FNDC3A: variants seen among roughly 807,000 people sequenced by gnomAD.
FNDC3A encodes fibronectin type III domain containing 3A.
In FNDC3A, 32 loss-of-function variants were observed where a neutral mutation model predicts 148.9. The ratio of observed to expected loss-of-function variants is 0.21; its 90% CI spans 0.16 to 0.29. The LOEUF is 0.29. Among genes scored for constraint, FNDC3A ranks in the 10% least tolerant of loss-of-function variants. The pLI is 1.00. For missense variants in FNDC3A, 1,191 were observed against 1,452.8 expected, an observed-to-expected ratio of 0.82 and a Z score of 2.93; for synonymous variants, 472 against 473.6, an observed-to-expected ratio of 1.00 and a Z score of 0.04.
intron 1 of FNDC3A, among the ~76,000 whole-genome samples, chr13:49,000,151 A>G (rs1244110058): frequency 6.6e-6 from 1 of 152,178 alleles, no homozygotes; most frequent in African/African-American, 2.4e-5. Context: ...TCCAAGAAAT[A>G]ATTGCCAAAT....
At chr13:49,059,986 G>C (rs900021870) in intron 2 of FNDC3A, among the ~76,000 whole-genome samples, 2 of 152,158 alleles carry the variant, frequency 1.3e-5, no homozygotes, top group Non-Finnish European at 2.9e-5. Flanking sequence ...CACTAGGATA[G>C]ATATAATTAA....
rs572625526 is a variant in FNDC3A at position 49,209,129 on chromosome 13, G to A, written c.*1734G>A. On this transcript the variant is annotated 3_prime_UTR_variant, in exon 26 of 26. Coordinates refer to ENST00000492622, the MANE Select transcript of FNDC3A (RefSeq NM_001079673.2). ...CTTCCCCAGAAACAACAGTGATTGC[G>A]ATTGTTTTCTAGAAACTTCTTTAAA... 2.0e-5 allele frequency: 3 copies of A among 152,632 alleles called. No homozygotes were observed. The highest frequency in any genetic ancestry group is 2.1e-4 in the South Asian group (1 of 4,826). The allele number at this position is 152,632 out of a possible 1,614,324, so 9.5% of individuals were successfully genotyped here.
intron 17 of FNDC3A, among the ~76,000 whole-genome samples, chr13:49,189,464 A>G (rs972106412): frequency 2.0e-5 from 3 of 151,880 alleles, no homozygotes; most frequent in African/African-American, 7.3e-5. Flanking sequence ...TACAGGCATG[A>G]GCCACCGCAC....
chr13:49,163,753 C>T (rs933131082), intron 8 of FNDC3A, among the ~76,000 whole-genome samples: 2 of 152,154 alleles, frequency 1.3e-5, no homozygotes, highest in Non-Finnish European at 2.9e-5. Context: ...TGTTCCTATT[C>T]GGCCATCTTG....
At chr13:49,012,955 A>G (rs1952387041) in intron 2 of FNDC3A, among the ~76,000 whole-genome samples, 1 of 152,074 alleles carries the variant, frequency 6.6e-6, no homozygotes, top group Non-Finnish European at 1.5e-5. Context: ...AGTCTCAAAG[A>G]GAGTATTTTC....
intron 4 of FNDC3A, among the ~76,000 whole-genome samples, chr13:49,121,083 A>G (rs112621112): frequency 0.011 from 1,659 of 152,314 alleles, 35 homozygotes; most frequent in African/African-American, 0.037. Flanking sequence ...AAAACTCACC[A>G]CATAATTGGA....
intron 2 of FNDC3A, among the ~76,000 whole-genome samples, chr13:49,057,682 C>T (rs1876352675): frequency 6.6e-6 from 1 of 152,046 alleles, no homozygotes; most frequent in Non-Finnish European, 1.5e-5. Context: ...ATTTAATATA[C>T]TAATAATGAA....
chr13:49,099,846 T>C (rs1879756069), intron 3 of FNDC3A, among the ~76,000 whole-genome samples: 1 of 152,174 alleles, frequency 6.6e-6, no homozygotes, highest in Non-Finnish European at 1.5e-5. Flanking sequence ...GCAGATATGC[T>C]CCCAGCTTAC....
intron 13 of FNDC3A, among the ~76,000 whole-genome samples, chr13:49,178,122 C>T (rs899922263): frequency 2.0e-5 from 3 of 152,164 alleles, no homozygotes; most frequent in African/African-American, 7.2e-5. Context: ...ACATCCTCAC[C>T]TGCCAGCACA....
intron 5 of FNDC3A, among the ~76,000 whole-genome samples, chr13:49,134,237 A>C (rs1271640634): frequency 6.6e-6 from 1 of 152,222 alleles, no homozygotes; most frequent in Non-Finnish European, 1.5e-5. Flanking sequence ...TGCCTATTCT[A>C]GACTTCATAT....
intron 2 of FNDC3A, among the ~76,000 whole-genome samples, chr13:49,007,330 A>G (rs1201761937): frequency 6.6e-6 from 1 of 152,024 alleles, no homozygotes; most frequent in Non-Finnish European, 1.5e-5. Flanking sequence ...TCCTGGTTTT[A>G]ATTTTTTACG....
intron 4 of FNDC3A, among the ~76,000 whole-genome samples, chr13:49,130,753 T>A (rs1260606616): frequency 6.6e-6 from 1 of 151,990 alleles, no homozygotes. Flanking sequence ...GTGTAAAAAT[T>A]CTTACTCTTA....
chr13:49,001,761 A>G (rs1952129380), intron 1 of FNDC3A, among the ~76,000 whole-genome samples: 1 of 152,110 alleles, frequency 6.6e-6, no homozygotes, highest in South Asian at 2.1e-4. Context: ...GTCTGCTTCA[A>G]ACCCTGTCTC....
chr13:49,024,703 C>T (rs1175057503), intron 2 of FNDC3A, among the ~76,000 whole-genome samples: 1 of 151,606 alleles, frequency 6.6e-6, no homozygotes, highest in African/African-American at 2.4e-5. Flanking sequence ...AAAAAAAACC[C>T]TCAATAAATT....
intron 16 of FNDC3A, among the ~76,000 whole-genome samples, chr13:49,188,096 A>G (rs567217576): frequency 1.3e-5 from 2 of 152,350 alleles, no homozygotes; most frequent in East Asian, 1.9e-4. Context: ...TCACACATTT[A>G]GCAGTGTTTA....
intron 2 of FNDC3A, among the ~76,000 whole-genome samples, chr13:49,015,167 T>C (rs546002134): frequency 6.6e-5 from 10 of 152,314 alleles, no homozygotes; most frequent in South Asian, 2.1e-4. Flanking sequence ...GGGATGGCAT[T>C]GAATCTGTAA....
At chr13:49,023,584 T>G (rs949994393) in intron 2 of FNDC3A, among the ~76,000 whole-genome samples, 1 of 151,966 alleles carries the variant, frequency 6.6e-6, no homozygotes, top group African/African-American at 2.4e-5. Flanking sequence ...GATGTTCTAT[T>G]AAACTCCTAC....
chr13:49,017,247 G>A (rs953496254), intron 2 of FNDC3A, among the ~76,000 whole-genome samples: 99 of 152,116 alleles, frequency 6.5e-4, no homozygotes, highest in African/African-American at 2.2e-3. Flanking sequence ...AAGTCTCTTT[G>A]TAGGTCACTC....
At chr13:49,041,381 A>T (rs77370859) in intron 2 of FNDC3A, among the ~76,000 whole-genome samples, 5,954 of 152,080 alleles carry the variant, frequency 0.039, 155 homozygotes, top group Non-Finnish European at 0.059. Flanking sequence ...TTTGTTTACT[A>T]CTCTATCCCA....
Sources: allele counts gnomAD v4.1 joint callset (sites outside exome capture counted in the v4.1 genomes callset), GRCh38; gene constraint gnomAD v4.1.1; transcripts MANE v1.5; gene names NCBI Gene and HGNC (gene_info 2026-07-23, HGNC 2026-07-21).